Variants in SNRPB2 observed in about 807,000 individuals in gnomAD.
SNRPB2 encodes the protein U2 small nuclear ribonucleoprotein B''.
Under a neutral mutation model 26.3 loss-of-function variants are expected in SNRPB2, and 16 were observed. The ratio of observed to expected loss-of-function variants is 0.61; its 90% CI spans 0.41 to 0.92. The LOEUF is 0.92. Ranked by LOEUF, SNRPB2 falls within the 40% of genes least tolerant of loss-of-function variation. The probability of loss-of-function intolerance (pLI) is 0.00; values close to 1 mark genes in which losing one functional copy is unlikely to be tolerated. For synonymous variants in SNRPB2, 75 were observed against 89.0 expected, an observed-to-expected ratio of 0.84 and a Z score of 0.88; for missense variants, 179 against 268.1, an observed-to-expected ratio of 0.67 and a Z score of 2.32.
chr20:16,737,197 A>G (rs1369202583), intron 3 of SNRPB2, 64 bp from the exon 4 acceptor site: 1 of 1,295,476 alleles, frequency 7.7e-7, no homozygotes, highest in South Asian at 1.6e-5. Flanking sequence ...AATTTGAAAT[A>G]TTAATGACTA....
intron 2 of SNRPB2, 40 bp from the exon 3 acceptor site, chr20:16,732,124 C>G (rs1291559717): frequency 1.5e-6 from 2 of 1,294,934 alleles, no homozygotes; most frequent in African/African-American, 1.5e-5. Context: ...TTTGTCATTA[C>G]TTTATTACCA....
At chr20:16,739,051 C>T (rs558171420) in intron 5 of SNRPB2, 149 bp downstream of exon 5, 1 of 616,666 alleles carries the variant, frequency 1.6e-6, no homozygotes, top group South Asian at 2.0e-5. Flanking sequence ...AATGTAAGAA[C>T]TCAACTCCTG....
At chr20:16,730,773 G>A (rs1041363980) in intron 1 of SNRPB2, 1 of 152,242 alleles carries the variant, frequency 6.6e-6, no homozygotes, top group Non-Finnish European at 1.5e-5. Flanking sequence ...TTCACAATTT[G>A]CAAGTAAAAA....
At chr20:16,736,954 GT>G (rs1340363593) in intron 3 of SNRPB2, among the ~76,000 whole-genome samples, 3 of 152,144 alleles carry the variant, frequency 2.0e-5, no homozygotes, top group African/African-American at 7.2e-5. Context: ...CTTCAATGCA[GT>G]TTTCTCTATT....
At chr20:16,739,042 A>G (rs539999716) in intron 5 of SNRPB2, 140 bp downstream of exon 5, 22 of 629,478 alleles carry the variant, frequency 3.5e-5, no homozygotes, top group Admixed American at 1.4e-4. Flanking sequence ...TGCCACTGCA[A>G]TGTAAGAACT....
intron 3 of SNRPB2, among the ~76,000 whole-genome samples, chr20:16,733,779 T>C (rs1425514354): frequency 2.0e-5 from 3 of 152,184 alleles, no homozygotes; most frequent in East Asian, 1.9e-4. Flanking sequence ...TTTTCTGTTA[T>C]TAGAGCAAGT....
Position 16,741,653 on chromosome 20 carries a change from A to T in SNRPB2, c.*648A>T, listed in dbSNP as rs2072463643. The T allele has an allele frequency of 1.3e-5, 2 of 152,208 alleles. No individual in the cohort carries two copies. The highest frequency in any genetic ancestry group is 2.9e-5 in the Non-Finnish European group (2 of 68,034). The allele number at this position is 152,208 out of a possible 1,614,324, so 9.4% of individuals were successfully genotyped here. ...AATGCTGTTTCCTTCATGAGGCAGG[A>T]CTGTTCTAAGGTTAATATGCAATCT... On this transcript the variant is annotated 3_prime_UTR_variant, in exon 7 of 7. Coordinates refer to ENST00000246071, the MANE Select transcript of SNRPB2 (RefSeq NM_003092.5).
chr20:16,740,372 A>G lies in SNRPB2; in HGVS notation c.477A>G (p.Pro159=), dbSNP rs749336066. Residue 159 remains proline (P), a synonymous_variant, in exon 6 of 7, where the codon CCA becomes CCG. Coordinates refer to ENST00000246071, the MANE Select transcript of SNRPB2 (RefSeq NM_003092.5). ...PNYILFLNNL[P]EETNEMMLSM... is the part of the protein sequence containing the mutation. ...ATATTTTATTCCTTAATAACTTACCAGAAGAGACTAATGAGATGATGTTAT... is the reference window on the plus strand; with the variant it reads ...ATATTTTATTCCTTAATAACTTACCGGAAGAGACTAATGAGATGATGTTAT... 4 of 1,612,080 alleles carry G rather than the reference A, an allele frequency of 2.5e-6. No individual in the cohort carries two copies. The highest frequency in any genetic ancestry group is 2.2e-5 in the East Asian group (1 of 44,822).
At chr20:16,731,894 C>A in intron 2 of SNRPB2, 128 bp downstream of exon 2, 1 of 1,436,484 alleles carries the variant, frequency 7.0e-7, no homozygotes, top group Non-Finnish European at 9.3e-7. Context: ...TATCCCATTT[C>A]CTATAGGGAT....
At position 16,740,934 on chromosome 20, in the gene SNRPB2, G is replaced by A; in HGVS notation, c.607G>A (p.Ala203Thr). The A allele has an allele frequency of 6.2e-7, 1 of 1,612,212 alleles. No individual in the cohort carries two copies. Among genetic ancestry groups the A allele is most frequent in the South Asian group, 1.1e-5 (1 of 91,032 alleles). The change falls in exon 7 of 7, where the codon GCC (alanine) becomes ACC (threonine). Residue 203 changes from alanine to threonine, a missense_variant. Ala to Thr is a moderately conservative substitution (Grantham distance 58). Coordinates refer to ENST00000246071, the MANE Select transcript of SNRPB2 (RefSeq NM_003092.5). ...TGAAAATGATGGGCAGGCTGGAGCTGCCAGGGATGCTTTACAGGGATTTAA... is the reference window on the plus strand; with the variant it reads ...TGAAAATGATGGGCAGGCTGGAGCTACCAGGGATGCTTTACAGGGATTTAA... ...EFENDGQAGAARDALQGFKIT... is the reference protein window; with the variant it reads ...EFENDGQAGATRDALQGFKIT...
rs916284999 is a variant in SNRPB2 at position 16,738,961 on chromosome 20, G to A, written c.429+59G>A. 7.2e-6 allele frequency: 8 copies of A among 1,107,046 alleles called. No individual in the cohort carries two copies. In the African/African-American group the frequency reaches 1.1e-4, roughly 15 times the overall value. The allele number at this position is 1,107,046 out of a possible 1,614,324, so 68.6% of individuals were successfully genotyped here. A position where few individuals can be genotyped will look rare whatever the true frequency, so the allele number is the denominator to read the frequency against. On this transcript the variant is annotated intron_variant, in intron 5 of 6. Transcript: ENST00000246071. ...ATAAGATTGTAAAAATTACAGCAGT[G>A]GTATAAAACAATTTCCATGTCTCCA...
chr20:16,737,529 T>G, intron 4 of SNRPB2, 128 bp downstream of exon 4: 1 of 763,234 alleles, frequency 1.3e-6, no homozygotes, highest in Non-Finnish European at 2.0e-6. Context: ...AAAGGTGGTT[T>G]TAAGAAGCTA....
chr20:16,733,874 A>C (rs1364523067), intron 3 of SNRPB2, among the ~76,000 whole-genome samples: 1 of 152,186 alleles, frequency 6.6e-6, no homozygotes, highest in Admixed American at 6.5e-5. Flanking sequence ...CTATCCCAGG[A>C]AACTGTGGGA....
Position 16,742,032 on chromosome 20 carries a change from A to C in SNRPB2, c.*1027A>C, listed in dbSNP as rs2072466037. On this transcript the variant is annotated 3_prime_UTR_variant, in exon 7 of 7. Transcript: ENST00000246071. The stretch of plus-strand genomic sequence containing the variant: ...CTTGAACAAAACCTTTATCACTTGG[A>C]ATTTTTATTGTCTACTTATGGAAAG... The C allele has an allele frequency of 6.6e-6, 1 of 151,296 alleles. No individual in the cohort carries two copies. Among genetic ancestry groups the C allele is most frequent in the Non-Finnish European group, 1.5e-5 (1 of 67,974 alleles). 9.4% of individuals were successfully genotyped at this position (151,296 alleles called of 1,614,324 possible). A position where few individuals can be genotyped will look rare whatever the true frequency, so the allele number is the denominator to read the frequency against.
chr20:16,731,826 A>G, intron 2 of SNRPB2, 60 bp downstream of exon 2: 9 of 1,602,642 alleles, frequency 5.6e-6, no homozygotes, highest in Non-Finnish European at 7.7e-6. Context: ...TACTGTCTTA[A>G]AAATTGTACT....
intron 3 of SNRPB2, among the ~76,000 whole-genome samples, chr20:16,734,766 T>C (rs1217243003): frequency 1.3e-5 from 2 of 152,160 alleles, no homozygotes; most frequent in African/African-American, 4.8e-5. Flanking sequence ...ACAGACAAAA[T>C]CACCTCTGGT....
At chr20:16,734,682 C>T (rs1464943414) in intron 3 of SNRPB2, among the ~76,000 whole-genome samples, 1 of 152,194 alleles carries the variant, frequency 6.6e-6, no homozygotes, top group Non-Finnish European at 1.5e-5. Flanking sequence ...TTAACAGCAT[C>T]CCTGGCCTCT....
chr20:16,730,274 G>C (rs1300121531), intron 1 of SNRPB2, 110 bp downstream of exon 1: 2 of 152,722 alleles, frequency 1.3e-5, no homozygotes, highest in Admixed American at 6.5e-5. Context: ...CTTCGTTAGG[G>C]GGCCTTGGGC....
At position 16,731,862 on chromosome 20, in the gene SNRPB2, C is replaced by G. The variant is rs566520681; in HGVS notation, c.64+96C>G. The G allele has an allele frequency of 2.9e-4, 442 of 1,543,956 alleles. 6 individuals are homozygous for G. In the East Asian group the frequency reaches 9.9e-3, roughly 35 times the overall value. On this transcript the variant is annotated intron_variant, in intron 2 of 6. Coordinates refer to ENST00000246071, the MANE Select transcript of SNRPB2 (RefSeq NM_003092.5). Reference sequence around the variant, plus strand: ...GCCTCAAAACCTCTTACCTCATCATCTTAGTGCCTGAAATAATGGTTTATC... The same window carrying G: ...GCCTCAAAACCTCTTACCTCATCATGTTAGTGCCTGAAATAATGGTTTATC...
Sources: allele counts gnomAD v4.1 joint callset (sites outside exome capture counted in the v4.1 genomes callset), GRCh38; gene constraint gnomAD v4.1.1; transcripts MANE v1.5; gene names NCBI Gene and HGNC (gene_info 2026-07-23, HGNC 2026-07-21).